The following DYNC2H1 variants were observed in gnomAD, a reference collection of about 807,000 sequenced individuals.
DYNC2H1 encodes dynein cytoplasmic 2 heavy chain 1.
Under a neutral mutation model 570.0 loss-of-function variants are expected in DYNC2H1, and 410 were observed. The ratio of observed to expected loss-of-function variants is 0.72; its 90% confidence interval spans 0.66 to 0.78. The LOEUF is 0.78. DYNC2H1 is among the 30% of genes least tolerant of loss of function. The probability of loss-of-function intolerance (pLI) is 0.00; values close to 1 mark genes in which losing one functional copy is unlikely to be tolerated. For synonymous variants in DYNC2H1, 1,688 were observed against 1,677.6 expected (o/e 1.01, Z -0.15); for missense variants, 4,865 against 5,046.4 (o/e 0.96, Z 1.09).
At chr11:103,333,736 AT>A (rs1938959144) in intron 82 of DYNC2H1, among the ~76,000 whole-genome samples, 1 of 152,190 alleles carries the variant, frequency 6.6e-6, no homozygotes, top group Admixed American at 6.5e-5. Context: ...TTTAATTCTA[AT>A]TTATCTTATC....
At chr11:103,339,400 G>A (rs1299895846) in intron 82 of DYNC2H1, among the ~76,000 whole-genome samples, 1 of 152,162 alleles carries the variant, frequency 6.6e-6, no homozygotes, top group Non-Finnish European at 1.5e-5. Context: ...AGTTCTGCTG[G>A]GAGTCAGTTT....
At chr11:103,434,304 C>T (rs192016824) in intron 84 of DYNC2H1, among the ~76,000 whole-genome samples, 3 of 152,066 alleles carry the variant, frequency 2.0e-5, no homozygotes, top group African/African-American at 7.2e-5. Context: ...ACAAACAAAT[C>T]TTTTCAAGAT....
chr11:103,289,845 C>T lies in DYNC2H1; in HGVS notation c.11095+2240C>T, dbSNP rs1361723738. Among the ~76,000 whole-genome samples the T allele has an allele frequency of 1.3e-5, 2 of 151,994 alleles. No individual in the cohort carries two copies. Among genetic ancestry groups the T allele is most frequent in the Admixed American group, 6.6e-5 (1 of 15,266 alleles). ...AAATTTGACATCCTATATTTAGTTA[C>T]GATATTTGGACTGAGTGTTCCTCAA... is the stretch of plus-strand genomic sequence containing the variant. On this transcript the variant is annotated intron_variant, in intron 75 of 88. Transcript: ENST00000375735. The surrounding 1 kb of genome is among the most constrained non-coding windows in gnomAD (Gnocchi z 4.2).
rs1254657685 is a variant in DYNC2H1 at position 103,342,794 on chromosome 11, A to C, written c.12040-15449A>C. Reference sequence around the variant, plus strand: ...CACTGCACCTGGCTGGGTCTGTGCCACCTTTAAGAGCTGTAACACTGCAAA... The same window carrying C: ...CACTGCACCTGGCTGGGTCTGTGCCCCCTTTAAGAGCTGTAACACTGCAAA... On this transcript the variant is annotated intron_variant, in intron 82 of 88. Transcript: ENST00000375735. Among the ~76,000 whole-genome samples the C allele has an allele frequency of 2.6e-5, 4 of 151,970 alleles. No homozygotes were observed. The East Asian group carries it at 7.8e-4, about 29-fold the overall frequency.
Position 103,189,709 on chromosome 11 carries a change from G to C in DYNC2H1, c.7330G>C (p.Ala2444Pro). The stretch of plus-strand genomic sequence containing the variant: ...AGAGCAGTTACAAACGATTTATGGA[G>C]CATATTTGGAACCAGTTCTACATAA... ...EREQLQTIYG[A>P]YLEPVLHKNL... Residue 2444 changes from alanine (A) to proline (P), a missense_variant, in exon 45 of 89, where the codon GCA becomes CCA. Ala to Pro is a conservative substitution (Grantham distance 27, BLOSUM62 -1). This residue lies in a region of DYNC2H1 where 2,401 missense variants were observed against 2,454.6 expected (regional missense o/e 0.98). Coordinates refer to ENST00000375735, the MANE Select transcript of DYNC2H1 (RefSeq NM_001377.3). This position sits in a 1 kb window ranked among gnomAD's most constrained non-coding sequence, Gnocchi z 4.3. 1 of 1,612,930 alleles carries C rather than the reference G, an allele frequency of 6.2e-7. No homozygotes were observed. The highest frequency in any genetic ancestry group is 1.3e-5 in the African/African-American group (1 of 74,972).
chr11:103,120,596 T>G lies in DYNC2H1; in HGVS notation c.1134+15T>G. ...CATATACTGAGGTTGTATATATATT[T>G]GTTTATGTCTGTACAGTTTCCTGTT... On this transcript the variant is annotated intron_variant, in intron 7 of 88. Coordinates refer to ENST00000375735, the MANE Select transcript of DYNC2H1 (RefSeq NM_001377.3). 2 of 1,605,624 alleles carry G rather than the reference T, an allele frequency of 1.2e-6. No individual in the cohort carries two copies. Among genetic ancestry groups the G allele is most frequent in the Non-Finnish European group, 1.7e-6 (2 of 1,176,272 alleles).
Position 103,286,132 on chromosome 11 carries a change from A to G in DYNC2H1, c.10891-123A>G, listed in dbSNP as rs1866342552. On this transcript the variant is annotated intron_variant, in intron 73 of 88. Coordinates refer to ENST00000375735, the MANE Select transcript of DYNC2H1 (RefSeq NM_001377.3). ...CCTAGAAATAATTAGACAAGGCAACACAAAGTAGAAGAGTAATAAACATCA... is the reference window on the plus strand; with the variant it reads ...CCTAGAAATAATTAGACAAGGCAACGCAAAGTAGAAGAGTAATAAACATCA... The G allele has an allele frequency of 2.3e-6, 3 of 1,310,538 alleles. No homozygotes were observed. The South Asian group carries it at 4.0e-5, about 17-fold the overall frequency. The allele number at this position is 1,310,538 out of a possible 1,614,324, so 81.2% of individuals were successfully genotyped here. A position where few individuals can be genotyped will look rare whatever the true frequency, so the allele number is the denominator to read the frequency against.
chr11:103,143,071 C>T (rs532795709), intron 17 of DYNC2H1, among the ~76,000 whole-genome samples, 197 bp from the exon 18 acceptor site: 15 of 152,250 alleles, frequency 9.9e-5, no homozygotes, highest in African/African-American at 3.1e-4. Context: ...AGTTTATGAT[C>T]ACTGCATTTG....
rs1299553122 is a variant in DYNC2H1, at chr11:103,199,451, A to C, written c.8063A>C (p.Lys2688Thr). Residue 2688 changes from lysine to threonine, a missense_variant, in exon 49 of 89, where the codon AAG becomes ACG. Transcript: ENST00000375735. The surrounding 1 kb of genome is among the most constrained non-coding windows in gnomAD (Gnocchi z 4.6). ...AAGATTTCCAGAGGATATGAACTGA[A>C]GCAGTTCAAAAATGATCTCAAACAT... ...SPKISRGYEL[K>T]QFKNDLKHVL... 6.3e-7 allele frequency: 1 copy of C among 1,591,370 alleles called. No individual in the cohort carries two copies. The highest frequency in any genetic ancestry group is 2.2e-5 in the East Asian group (1 of 44,562).
In DYNC2H1 at chr11:103,265,526, C is replaced by T. The variant is rs530226754; in HGVS notation, c.10695+5549C>T. ...AGATCAGTTGTATTCTTCTCTATAC[C>T]GACTAGGTTGTCTGTCAGTCCCTGC... On this transcript the variant is annotated intron_variant, in intron 70 of 88. Coordinates refer to ENST00000375735, the MANE Select transcript of DYNC2H1 (RefSeq NM_001377.3). Among the ~76,000 whole-genome samples, 7 of 152,216 alleles carry T rather than the reference C, an allele frequency of 4.6e-5. No homozygotes were observed. In the East Asian group the frequency reaches 7.7e-4, roughly 17 times the overall value.
intron 6 of DYNC2H1, 88 bp from the exon 7 acceptor site, chr11:103,120,359 A>G: frequency 8.1e-7 from 1 of 1,241,996 alleles, no homozygotes; most frequent in Non-Finnish European, 1.1e-6. Context: ...ATTTAAAGAA[A>G]TTCTTGCCCA....
rs1478103132 is a variant in DYNC2H1, at chr11:103,245,404, A to T, written c.10042+30A>T. The T allele has an allele frequency of 6.5e-7, 1 of 1,533,336 alleles. No individual in the cohort carries two copies. The highest frequency in any genetic ancestry group is 1.4e-5 in the African/African-American group (1 of 71,536). 95.0% of individuals were successfully genotyped at this position (1,533,336 alleles called of 1,614,324 possible). ...ATAATTGACACTTTCCAGAGTGTAA[A>T]TATTTTTAAAATTTCCAAAGTAAGT... On this transcript the variant is annotated intron_variant, in intron 65 of 88. Transcript: ENST00000375735. This position sits in a 1 kb window ranked among gnomAD's most constrained non-coding sequence, Gnocchi z 4.5.
rs556169989 is a variant in DYNC2H1, at chr11:103,305,309, C to G, written c.11382+589C>G. On this transcript the variant is annotated intron_variant, in intron 77 of 88. Transcript: ENST00000375735. This position sits in a 1 kb window ranked among gnomAD's most constrained non-coding sequence, Gnocchi z 4.3. ...CAAATAGGATTTTGCTAAGTATAGG[C>G]AAAGAAAGGATATCATGATTTTAAT... is the stretch of plus-strand genomic sequence containing the variant. Among the ~76,000 whole-genome samples, 2 of 151,952 alleles carry G rather than the reference C, an allele frequency of 1.3e-5. No individual in the cohort carries two copies. The highest frequency in any genetic ancestry group is 4.8e-5 in the African/African-American group (2 of 41,350).
intron 1 of DYNC2H1, among the ~76,000 whole-genome samples, chr11:103,112,466 A>G (rs1050958119): frequency 1.3e-5 from 2 of 152,252 alleles, no homozygotes; most frequent in Non-Finnish European, 2.9e-5. Context: ...CAAGGGCTCC[A>G]TTAGCAGCTA....
chr11:103,449,010 T>C (rs946448980), intron 85 of DYNC2H1, among the ~76,000 whole-genome samples: 4 of 152,138 alleles, frequency 2.6e-5, no homozygotes, highest in Non-Finnish European at 5.9e-5. Context: ...GTGTTAAAAC[T>C]GGTAGAAATA....
chr11:103,451,324 C>CTTTTTTTTTTTTTTTTTTTT (rs34032894), intron 85 of DYNC2H1, among the ~76,000 whole-genome samples: 9 of 71,034 alleles, frequency 1.3e-4, no homozygotes, highest in African/African-American at 4.0e-4. Context: ...AGTAAAAGGG[C>CTTTTTTTTTTTTTTTTTTTT]TTTTTTTTTT....
In DYNC2H1 at chr11:103,275,180, G is replaced by A. The variant is rs922275267; in HGVS notation, c.10696-5168G>A. On this transcript the variant is annotated intron_variant, in intron 70 of 88. Coordinates refer to ENST00000375735, the MANE Select transcript of DYNC2H1 (RefSeq NM_001377.3). This position sits in a 1 kb window ranked among gnomAD's most constrained non-coding sequence, Gnocchi z 4.8. ...ATAGTTGTGAATGTGTTTTTTTAAA[G>A]TAGGGTTTATTTTTTAGAGCAGTTG... 1.3e-5 allele frequency among the ~76,000 whole-genome samples: 2 copies of A among 152,156 alleles called. No homozygotes were observed. Among genetic ancestry groups the A allele is most frequent in the African/African-American group, 4.8e-5 (2 of 41,446 alleles).
intron 87 of DYNC2H1, among the ~76,000 whole-genome samples, chr11:103,466,407 A>G (rs1945194721): frequency 1.3e-5 from 2 of 152,330 alleles, no homozygotes; most frequent in South Asian, 4.1e-4. Context: ...TCTTAAAGGA[A>G]AAAGCTGATA....
intron 77 of DYNC2H1, among the ~76,000 whole-genome samples, chr11:103,306,952 T>C (rs1591551976): frequency 1.3e-5 from 2 of 152,086 alleles, no homozygotes; most frequent in Admixed American, 6.6e-5. Flanking sequence ...AAGAATACTG[T>C]GGGAAAAATT....
Sources: gnomAD v4.1 joint callset for allele counts (sites outside exome capture counted in the v4.1 genomes callset) on GRCh38, gnomAD v4.1.1 for gene constraint, gnomAD v4.1.1 regional missense constraint, Gnocchi (gnomAD v3.1) non-coding constraint, MANE v1.5 for transcripts, NCBI Gene and HGNC (gene_info 2026-07-23, HGNC 2026-07-21) for gene names.